ARHGAP23: variants seen among roughly 807,000 people sequenced by gnomAD.
ARHGAP23 encodes the protein rho GTPase-activating protein 23.
ARHGAP23 carries 34 observed loss-of-function variants against 136.3 expected under a neutral mutation model. The ratio of observed to expected loss-of-function variants is 0.25; its 90% confidence interval spans 0.19 to 0.33. The LOEUF is 0.33. Among genes scored for constraint, ARHGAP23 ranks in the 10% least tolerant of loss-of-function variants. The pLI is 1.00. For synonymous variants in ARHGAP23, 832 were observed against 920.5 expected (o/e 0.90, Z 1.74); for missense variants, 1,808 against 2,139.0 (o/e 0.85, Z 3.05).
chr17:38,504,796 C>G (rs565506628), intron 23 of ARHGAP23, among the ~76,000 whole-genome samples: 58 of 152,036 alleles, frequency 3.8e-4, no homozygotes, highest in Non-Finnish European at 7.6e-4. Context: ...GTTCTCCAGG[C>G]TGTGTCCAGG....
chr17:38,423,231 C>T (rs2038536675), intron 1 of ARHGAP23, among the ~76,000 whole-genome samples: 1 of 151,346 alleles, frequency 6.6e-6, no homozygotes. Flanking sequence ...TCTGCTCTGT[C>T]ACCCAGGCTG....
chr17:38,465,354 G>A (rs1181714530), intron 6 of ARHGAP23, among the ~76,000 whole-genome samples: 10 of 152,152 alleles, frequency 6.6e-5, no homozygotes. Context: ...GTATCTTCCA[G>A]TGTCTCCTTG....
intron 1 of ARHGAP23, among the ~76,000 whole-genome samples, chr17:38,423,398 G>T (rs1305357369): frequency 1.3e-5 from 2 of 150,964 alleles, no homozygotes; most frequent in African/African-American, 2.4e-5. Context: ...TTGAAACAGA[G>T]TCTCATTCTA....
rs775750536 is a variant in ARHGAP23, at chr17:38,458,161, G to A, written c.123G>A (p.Pro41=). ...GGCGCCCCTTCCCCTGGCAGGGGCC[G>A]AGGACGCTGCTGCTGTACAAAAGTC... ...SPRRPFPWQG[P]RTLLLYKSPQ... Residue 41 remains proline (P), a synonymous_variant, in exon 2 of 24, where the codon CCG becomes CCA. Coordinates refer to ENST00000622683, the MANE Select transcript of ARHGAP23 (RefSeq NM_001199417.2). The A allele has an allele frequency of 2.3e-5, 36 of 1,536,020 alleles. No individual in the cohort carries two copies. Among genetic ancestry groups the A allele is most frequent in the Non-Finnish European group, 3.0e-5 (34 of 1,146,914 alleles).
At chr17:38,492,659 C>T (rs1290882984) in intron 20 of ARHGAP23, among the ~76,000 whole-genome samples, 4 of 152,216 alleles carry the variant, frequency 2.6e-5, no homozygotes, top group Admixed American at 6.5e-5. Flanking sequence ...GCAGCTGAGC[C>T]ATGTTAACAG....
intron 20 of ARHGAP23, among the ~76,000 whole-genome samples, chr17:38,496,928 G>C (rs1323914322): frequency 1.3e-5 from 2 of 148,848 alleles, no homozygotes; most frequent in East Asian, 4.0e-4. Flanking sequence ...ACTCCAGCCT[G>C]GGTGACAGAG....
chr17:38,454,810 C>G (rs528346512), intron 1 of ARHGAP23, among the ~76,000 whole-genome samples: 4 of 152,174 alleles, frequency 2.6e-5, no homozygotes, highest in Non-Finnish European at 5.9e-5. Flanking sequence ...CTCCTGGGTT[C>G]TAGTTTCTGG....
At chr17:38,421,548 C>T (rs2038520765) in intron 1 of ARHGAP23, among the ~76,000 whole-genome samples, 1 of 152,232 alleles carries the variant, frequency 6.6e-6, no homozygotes, top group Non-Finnish European at 1.5e-5. Context: ...TCTTGTAAAG[C>T]AAAGAATCCT....
intron 1 of ARHGAP23, among the ~76,000 whole-genome samples, chr17:38,423,141 C>T (rs140819761): frequency 2.6e-5 from 4 of 152,240 alleles, no homozygotes; most frequent in East Asian, 3.9e-4. Flanking sequence ...AATATGGGGA[C>T]GGTTCCCTCC....
rs1179570476 is a variant in ARHGAP23, at chr17:38,510,245, A to G, written c.3749A>G (p.Tyr1250Cys). Residue 1250 changes from tyrosine (Y) to cysteine (C), a missense_variant, in exon 24 of 24, where the codon TAC (tyrosine) becomes TGC (cysteine). Around this residue, in one of 7 missense-constraint regions of ARHGAP23, gnomAD observed 506 missense variants for 455.8 expected, o/e 1.11. Transcript: ENST00000622683. The surrounding 1 kb of genome is among the most constrained non-coding windows in gnomAD (Gnocchi z 4.6). ...AADTRSIVSG[Y>C]STLSTMDRSV... ...GACACGCGCTCCATTGTGTCGGGCT[A>G]CTCCACCCTGTCCACCATGGACCGC... The G allele has an allele frequency of 1.8e-5, 25 of 1,375,502 alleles. No individual in the cohort carries two copies. Among genetic ancestry groups the G allele is most frequent in the Non-Finnish European group, 2.3e-5 (25 of 1,064,066 alleles). The allele number at this position is 1,375,502 out of a possible 1,614,324, so 85.2% of individuals were successfully genotyped here.
Position 38,477,749 on chromosome 17 carries a change from G to A in ARHGAP23, c.2289G>A (p.Val763=). 3 of 1,549,100 alleles carry A rather than the reference G, an allele frequency of 1.9e-6. No individual in the cohort carries two copies. Among genetic ancestry groups the A allele is most frequent in the South Asian group, 2.4e-5 (2 of 84,034 alleles). The change falls in exon 12 of 24, where the codon GTG becomes GTA. Residue 763 remains valine (V), a synonymous_variant. Coordinates refer to ENST00000622683, the MANE Select transcript of ARHGAP23 (RefSeq NM_001199417.2). The surrounding 1 kb of genome is among the most constrained non-coding windows in gnomAD (Gnocchi z 6.6). The part of the protein sequence containing the change: ...AAPVCIGSCL[V]DISYSETKRR... Reference sequence around the variant, plus strand: ...CCGTCTGCATCGGCTCCTGCCTCGTGGACATCTCCTACAGCGAGACCAAGA... The same window carrying A: ...CCGTCTGCATCGGCTCCTGCCTCGTAGACATCTCCTACAGCGAGACCAAGA...
chr17:38,448,421 C>G (rs2039081137), intron 1 of ARHGAP23, among the ~76,000 whole-genome samples: 1 of 152,168 alleles, frequency 6.6e-6, no homozygotes, highest in Non-Finnish European at 1.5e-5. Context: ...TGTGCTAAGA[C>G]TTTCTTTAAT....
Position 38,466,403 on chromosome 17 carries a change from G to A in ARHGAP23, c.720G>A (p.Leu240=). The change falls in exon 7 of 24, where the codon CTG becomes CTA. Residue 240 remains leucine (L), a synonymous_variant. Transcript: ENST00000622683. The part of the protein sequence containing the change: ...LRVPPAARAH[L]DNSSLGMSQP... Reference sequence around the variant, plus strand: ...TGCCACCTGCTGCCCGTGCCCACCTGGACAACTCTTCCTTGGGGATGAGCC... The same window carrying A: ...TGCCACCTGCTGCCCGTGCCCACCTAGACAACTCTTCCTTGGGGATGAGCC... The A allele has an allele frequency of 6.5e-7, 1 of 1,533,436 alleles. No individual in the cohort carries two copies. The highest frequency in any genetic ancestry group is 8.8e-7 in the Non-Finnish European group (1 of 1,142,166). 95.0% of individuals were successfully genotyped at this position (1,533,436 alleles called of 1,614,324 possible).
At chr17:38,426,987 C>T (rs574003894), upstream of ARHGAP23, among the ~76,000 whole-genome samples, 28 of 152,182 alleles carry the variant, frequency 1.8e-4, no homozygotes, top group Non-Finnish European at 3.5e-4. Context: ...GCTTTCACTG[C>T]CTCCTCTCTC....
chr17:38,491,337 C>T, intron 19 of ARHGAP23, 70 bp from the exon 20 acceptor site: 1 of 1,543,616 alleles, frequency 6.5e-7, no homozygotes. Context: ...GGGACAGAGG[C>T]CTCAGGTGCC....
In ARHGAP23 at chr17:38,458,091, G is replaced by T. The variant is rs757834097; in HGVS notation, c.64-11G>T. 7 of 1,535,968 alleles carry T rather than the reference G, an allele frequency of 4.6e-6. No homozygotes were observed. In the South Asian group the frequency reaches 8.3e-5, roughly 18 times the overall value. ...CACGGGCGCTCAGCCTGGCCTCTCTGTCTCCCACAGCTGCCACTGGGCCCA... is the reference window on the plus strand; with the variant it reads ...CACGGGCGCTCAGCCTGGCCTCTCTTTCTCCCACAGCTGCCACTGGGCCCA... On this transcript the variant is annotated splice_polypyrimidine_tract_variant and intron_variant, in intron 1 of 23. Transcript: ENST00000622683.
upstream of ARHGAP23, among the ~76,000 whole-genome samples, chr17:38,426,550 C>CAAAAAAAAAAAAAAAA (rs751365956): frequency 6.4e-3 from 328 of 51,174 alleles, 28 homozygotes; most frequent in East Asian, 0.018. Flanking sequence ...AACTCCATCT[C>CAAAAAAAAAAAAAAAA]AAAAAAAAAA....
At chr17:38,472,985 G>A (rs1476431472) in intron 11 of ARHGAP23, among the ~76,000 whole-genome samples, 1 of 152,194 alleles carries the variant, frequency 6.6e-6, no homozygotes, top group Non-Finnish European at 1.5e-5. Context: ...TGCCCAGGCT[G>A]GAGTGCAGTG....
intron 14 of ARHGAP23, among the ~76,000 whole-genome samples, chr17:38,480,387 A>G (rs1022772660): frequency 6.6e-6 from 1 of 152,086 alleles, no homozygotes; most frequent in African/African-American, 2.4e-5. Context: ...TAATCCCAGC[A>G]CTTTGGGAGG....
Sources: gnomAD v4.1 joint callset for allele counts (sites outside exome capture counted in the v4.1 genomes callset) on GRCh38, gnomAD v4.1.1 for gene constraint, gnomAD v4.1.1 regional missense constraint, Gnocchi (gnomAD v3.1) non-coding constraint, MANE v1.5 for transcripts, NCBI Gene and HGNC (gene_info 2026-07-23, HGNC 2026-07-21) for gene names.